UNC79: variants seen among roughly 807,000 people sequenced by gnomAD.
The protein encoded by UNC79 is protein unc-79 homolog.
Under a neutral mutation model 283.1 loss-of-function variants are expected in UNC79, and 37 were observed. The observed-to-expected ratio is 0.13, with a 90% CI of 0.10 to 0.17. UNC79 has a LOEUF of 0.17. Among genes scored for constraint, UNC79 ranks in the 10% least tolerant of loss-of-function variants. The pLI, the probability that UNC79 is intolerant of heterozygous loss-of-function variation, is 1.00. For synonymous variants in UNC79, 1,107 were observed against 1,200.2 expected (o/e 0.92, Z 1.61); for missense variants, 2,272 against 3,211.1 (o/e 0.71, Z 7.07).
At chr14:93,648,783 A>G (rs2069914275) in intron 35 of UNC79, among the ~76,000 whole-genome samples, 1 of 152,244 alleles carries the variant, frequency 6.6e-6, no homozygotes, top group Non-Finnish European at 1.5e-5. Flanking sequence ...GAGCATGGTA[A>G]AAACAGTGTG....
At chr14:93,400,900 C>T (rs1402708020) in intron 1 of UNC79, among the ~76,000 whole-genome samples, 1 of 152,048 alleles carries the variant, frequency 6.6e-6, no homozygotes, top group African/African-American at 2.4e-5. Flanking sequence ...GGACTTGAAG[C>T]CTGATTAGAT....
intron 1 of UNC79, among the ~76,000 whole-genome samples, chr14:93,443,015 G>A (rs1360936028): frequency 6.6e-6 from 1 of 152,122 alleles, no homozygotes; most frequent in Non-Finnish European, 1.5e-5. Flanking sequence ...CTTTAGGTCA[G>A]GAGTCTGAGA....
At chr14:93,691,231 C>G (rs78157346) in intron 45 of UNC79, 2,158 of 165,356 alleles carry the variant, frequency 0.013, 46 homozygotes, top group African/African-American at 0.049. Context: ...GGAAAAGCCT[C>G]TGGCGCCATC....
chr14:93,702,777 A>G (rs1256835913), intron 47 of UNC79, among the ~76,000 whole-genome samples: 1 of 152,188 alleles, frequency 6.6e-6, no homozygotes, highest in Non-Finnish European at 1.5e-5. Context: ...GAGCAGACTC[A>G]TCCTCAGATC....
intron 30 of UNC79, among the ~76,000 whole-genome samples, chr14:93,626,821 C>T (rs893518017): frequency 1.3e-5 from 2 of 152,078 alleles, no homozygotes; most frequent in African/African-American, 4.8e-5. Flanking sequence ...AAGAGACAAA[C>T]GTTAGTATAG....
chr14:93,511,681 G>A lies in UNC79; in HGVS notation c.899-12297G>A, dbSNP rs566679787. Reference sequence around the variant, plus strand: ...AGGATGGTCTCGATCCCTTGACCTCGTGATCCACCTGCCTTCACCTCCCAA... The same window carrying A: ...AGGATGGTCTCGATCCCTTGACCTCATGATCCACCTGCCTTCACCTCCCAA... On this transcript the variant is annotated intron_variant, in intron 7 of 48. Transcript: ENST00000555664. Among the ~76,000 whole-genome samples the A allele has an allele frequency of 1.9e-3, 291 of 152,144 alleles. 2 individuals are homozygous for A. The highest frequency in any genetic ancestry group is 6.6e-3 in the African/African-American group (276 of 41,534).
rs1473061557 is a variant in UNC79, at chr14:93,645,342, A to G, written c.6045-1266A>G. 2.6e-5 allele frequency among the ~76,000 whole-genome samples: 4 copies of G among 152,218 alleles called. No individual in the cohort carries two copies. The East Asian group carries it at 5.8e-4, about 22-fold the overall frequency. ...AGCAGATACATTTTTACATATTTAC[A>G]TACACATATATTTAAATCTCTACCT... On this transcript the variant is annotated intron_variant, in intron 34 of 48. Coordinates refer to ENST00000555664, the Ensembl canonical transcript of UNC79.
At chr14:93,372,987 G>A (rs1160402352) in intron 1 of UNC79, among the ~76,000 whole-genome samples, 1 of 152,162 alleles carries the variant, frequency 6.6e-6, no homozygotes, top group African/African-American at 2.4e-5. Flanking sequence ...ACAATGAAAC[G>A]AAACCAGAAT....
intron 4 of UNC79, among the ~76,000 whole-genome samples, chr14:93,485,932 A>T (rs921307594): frequency 6.6e-6 from 1 of 151,988 alleles, no homozygotes; most frequent in African/African-American, 2.4e-5. Flanking sequence ...AATTGTGTTA[A>T]TTTTTTTTAT....
intron 1 of UNC79, among the ~76,000 whole-genome samples, chr14:93,339,615 C>G (rs1023938575): frequency 3.9e-5 from 6 of 152,126 alleles, no homozygotes; most frequent in Non-Finnish European, 7.4e-5. Flanking sequence ...GCCATTTTAA[C>G]AGATACTGTC....
intron 1 of UNC79, chr14:93,348,327 A>T (rs2053911806): frequency 4.1e-6 from 2 of 493,682 alleles, no homozygotes; most frequent in Non-Finnish European, 7.2e-6. Flanking sequence ...AGTGTTAAAT[A>T]AAACGGAAAC....
intron 5 of UNC79, among the ~76,000 whole-genome samples, chr14:93,494,316 C>A (rs2058914826): frequency 6.6e-6 from 1 of 152,060 alleles, no homozygotes. Flanking sequence ...TCTGCCAGGC[C>A]CCACCTCCAA....
At chr14:93,465,073 T>A (rs141388243) in intron 1 of UNC79, among the ~76,000 whole-genome samples, 2 of 152,332 alleles carry the variant, frequency 1.3e-5, no homozygotes, top group Non-Finnish European at 2.9e-5. Context: ...CTTTCATGAT[T>A]ACTCACCACT....
chr14:93,613,282 CAGAG>C (rs1320879514), intron 27 of UNC79, among the ~76,000 whole-genome samples, 199 bp downstream of exon 28: 6 of 150,578 alleles, frequency 4.0e-5, no homozygotes, highest in South Asian at 2.1e-4. Context: ...CAGAAAATGA[CAGAG>C]AGAGAGACTG....
At chr14:93,468,089 T>C (rs10498638) in intron 2 of UNC79, among the ~76,000 whole-genome samples, 21,520 of 152,150 alleles carry the variant, frequency 0.14, 1,951 homozygotes, top group Admixed American at 0.22. Context: ...ATTAAAAGGA[T>C]AGCCTACAAT....
intron 1 of UNC79, among the ~76,000 whole-genome samples, chr14:93,360,185 A>G (rs1231653936): frequency 6.6e-6 from 1 of 152,204 alleles, no homozygotes; most frequent in East Asian, 1.9e-4. Context: ...GAACCCCCAC[A>G]TTGGCTCCCT....
At chr14:93,480,418 G>A (rs776711212) in intron 4 of UNC79, among the ~76,000 whole-genome samples, 33 of 152,130 alleles carry the variant, frequency 2.2e-4, no homozygotes, top group East Asian at 3.8e-4. Flanking sequence ...TAAGAGGCAC[G>A]TATTGTCCTC....
At chr14:93,541,066 A>C (rs542952248) in intron 13 of UNC79, among the ~76,000 whole-genome samples, 2 of 152,336 alleles carry the variant, frequency 1.3e-5, no homozygotes, top group African/African-American at 4.8e-5. Context: ...GGAATTTTTT[A>C]AAAAGCTCTT....
intron 1 of UNC79, among the ~76,000 whole-genome samples, chr14:93,351,872 G>A (rs192537039): frequency 2.0e-5 from 3 of 152,236 alleles, no homozygotes; most frequent in East Asian, 1.9e-4. Context: ...TAAAGCCTCC[G>A]ACTGATTGGA....
Sources: gnomAD v4.1 joint callset for allele counts (sites outside exome capture counted in the v4.1 genomes callset) on GRCh38, gnomAD v4.1.1 for gene constraint, MANE v1.5 for transcripts, NCBI Gene and HGNC (gene_info 2026-07-23, HGNC 2026-07-21) for gene names.